Variants in CCNE2 observed in about 807,000 individuals in gnomAD.
CCNE2 encodes G1/S-specific cyclin-E2.
In CCNE2, 18 loss-of-function variants were observed where a neutral mutation model predicts 56.8. That is an observed-to-expected ratio of 0.32 (90% CI 0.22 to 0.47). CCNE2 has a LOEUF of 0.47. Ranked by LOEUF, CCNE2 falls within the 20% of genes least tolerant of loss-of-function variation. The pLI is 1.00. For synonymous variants in CCNE2, 139 were observed against 149.2 expected (o/e 0.93, Z 0.50); for missense variants, 371 against 467.1 (o/e 0.79, Z 1.90).
At chr8:94,891,956 G>T in intron 5 of CCNE2, 2 of 1,100,648 alleles carry the variant, frequency 1.8e-6, no homozygotes, top group South Asian at 1.2e-5. Flanking sequence ...GCTCATGGTC[G>T]GATTAACTCA....
At chr8:94,895,972 G>A (rs1817512441), upstream of CCNE2, 1 of 152,594 alleles carries the variant, frequency 6.6e-6, no homozygotes, top group African/African-American at 2.4e-5. Flanking sequence ...CCCCTACCGG[G>A]TTTCCCTCCC....
chr8:94,891,426 A>G, intron 5 of CCNE2: 1 of 279,738 alleles, frequency 3.6e-6, no homozygotes, highest in South Asian at 4.0e-5. Flanking sequence ...TGGGAGGCCA[A>G]GGTGGGTGGA....
intron 9 of CCNE2, chr8:94,883,949 TTA>T: frequency 2.2e-6 from 1 of 455,846 alleles, no homozygotes; most frequent in South Asian, 1.5e-5. Context: ...AATATTACTG[TTA>T]TATACCTCTA....
chr8:94,894,186 T>A lies in CCNE2; in HGVS notation c.14+22A>T, dbSNP rs79948807. On this transcript the variant is annotated intron_variant, in intron 2 of 11. Coordinates refer to ENST00000308108, the MANE Select transcript of CCNE2 (RefSeq NM_057749.3). ...AAGGCAGCAACTAATTTGAAACATG[T>A]CTCTAAGACAGATAATGTTACCTTC... 2,029 of 1,613,850 alleles carry A rather than the reference T, an allele frequency of 1.3e-3. 18 individuals are homozygous for A. In the African/African-American group the frequency reaches 0.025, roughly 19 times the overall value.
chr8:94,884,834 T>G (rs1816973825), intron 9 of CCNE2: 1 of 369,070 alleles, frequency 2.7e-6, no homozygotes, highest in Admixed American at 4.1e-5. Flanking sequence ...AGAGATACTT[T>G]AGTTTGGACT....
chr8:94,896,417 C>G (rs1385160612), upstream of CCNE2: 1 of 152,142 alleles, frequency 6.6e-6, no homozygotes, highest in African/African-American at 2.4e-5. Flanking sequence ...GGGGTCCCTT[C>G]GCTGCCTCTA....
Position 94,889,812 on chromosome 8 carries a change from A to C in CCNE2, c.453+603T>G, listed in dbSNP as rs28399566. On this transcript the variant is annotated intron_variant, in intron 6 of 11. Coordinates refer to ENST00000308108, the MANE Select transcript of CCNE2 (RefSeq NM_057749.3). ...AAACTTTTTTAGAGCTATTATCCAG[A>C]GGAAAGGGAATGGACCTAAACAAGA... 3.2e-4 allele frequency among the ~76,000 whole-genome samples: 49 copies of C among 152,338 alleles called. 2 individuals carry two copies. In the East Asian group the frequency reaches 8.9e-3, roughly 28 times the overall value.
At chr8:94,889,977 A>G (rs1563683013) in intron 6 of CCNE2, among the ~76,000 whole-genome samples, 1 of 152,222 alleles carries the variant, frequency 6.6e-6, no homozygotes, top group Non-Finnish European at 1.5e-5. Flanking sequence ...CCAGATATCC[A>G]TAGTCTCATT....
In CCNE2 at chr8:94,881,099, G is replaced by C. The variant is rs1816792155; in HGVS notation, c.*533C>G. ...AGAAATTCAAGTTTTATAATAGCTT[G>C]CTATAGCAGCTATAGATAAATTAGT... On this transcript the variant is annotated 3_prime_UTR_variant, in exon 12 of 12. Transcript: ENST00000308108. The C allele has an allele frequency of 5.0e-6, 2 of 396,770 alleles. No individual in the cohort carries two copies. The allele number at this position is 396,770 out of a possible 1,614,324, so 24.6% of individuals were successfully genotyped here. A position where few individuals can be genotyped will look rare whatever the true frequency, so the allele number is the denominator to read the frequency against.
At chr8:94,891,978 T>G in intron 5 of CCNE2, 9 of 939,680 alleles carry the variant, frequency 9.6e-6, no homozygotes, top group East Asian at 2.5e-5. Context: ...ACGTGATCTC[T>G]CCCTGCCACA....
intron 5 of CCNE2, chr8:94,891,659 CAAAAAAAAAAA>C (rs34021439): frequency 2.3e-5 from 6 of 263,374 alleles, no homozygotes; most frequent in Non-Finnish European, 3.4e-5. Context: ...CCTCTGTCTC[CAAAAAAAAAAA>C]AAAAAAAAAA....
intron 7 of CCNE2, among the ~76,000 whole-genome samples, chr8:94,887,288 C>CT (rs2131108405): frequency 6.6e-6 from 1 of 152,184 alleles, no homozygotes; most frequent in South Asian, 2.1e-4. Flanking sequence ...GGTGGATCGC[C>CT]TGAGTCAGGA....
In CCNE2 at chr8:94,882,768, T is replaced by C; in HGVS notation, c.943+13A>G. On this transcript the variant is annotated intron_variant, in intron 10 of 11. Transcript: ENST00000308108. ...TGTGAAAAGGTAAGAAGACAACAAA[T>C]AGAGAGTCTTACCTGAGGCTTTCTT... The C allele has an allele frequency of 2.6e-6, 4 of 1,547,346 alleles. No individual in the cohort carries two copies. Among genetic ancestry groups the C allele is most frequent in the Non-Finnish European group, 3.6e-6 (4 of 1,119,490 alleles).
In CCNE2 at chr8:94,890,457, C is replaced by T; in HGVS notation, c.411G>A (p.Leu137=). The T allele has an allele frequency of 6.2e-7, 1 of 1,609,214 alleles. No homozygotes were observed. Among genetic ancestry groups the T allele is most frequent in the Non-Finnish European group, 8.5e-7 (1 of 1,177,554 alleles). ...DKHFEVLHSD[L]EPQMRSILLD... is the part of the protein sequence containing the mutation. ...GAAGTATGGACCTCATCTGTGGTTC[C>T]AAGTCAGAATGCAGAACTTCAAAAT... Residue 137 remains leucine, a synonymous_variant, in exon 6 of 12, where the codon TTG becomes TTA. Coordinates refer to ENST00000308108, the MANE Select transcript of CCNE2 (RefSeq NM_057749.3).
At chr8:94,895,995 G>C (rs1479544699), upstream of CCNE2, 1 of 152,388 alleles carries the variant, frequency 6.6e-6, no homozygotes, top group African/African-American at 2.4e-5. Flanking sequence ...TGGGTCGGTC[G>C]CTCCCCCAAC....
intron 6 of CCNE2, among the ~76,000 whole-genome samples, chr8:94,889,473 A>T (rs974129902): frequency 1.3e-5 from 2 of 152,240 alleles, no homozygotes; most frequent in Non-Finnish European, 2.9e-5. Flanking sequence ...TTCCATGATC[A>T]CTAGACAGTC....
intron 7 of CCNE2, 118 bp downstream of exon 7, chr8:94,887,808 CA>C: frequency 1.7e-6 from 1 of 603,664 alleles, no homozygotes; most frequent in Non-Finnish European, 2.7e-6. Flanking sequence ...TACTGAGAAA[CA>C]AAAACATTCA....
intron 1 of CCNE2, 23 bp downstream of exon 1, chr8:94,895,154 C>A (rs1023906023): frequency 2.0e-6 from 2 of 985,264 alleles, no homozygotes; most frequent in East Asian, 1.1e-4. Context: ...CCCACATCCC[C>A]CCTACGCGCA....
chr8:94,881,903 ATT>A, intron 11 of CCNE2, 158 bp from the exon 12 acceptor site: 1 of 952,954 alleles, frequency 1.0e-6, no homozygotes, highest in Non-Finnish European at 1.5e-6. Flanking sequence ...AACGTTATAT[ATT>A]TTTTAAACTC....
Sources: gnomAD v4.1 joint callset for allele counts (sites outside exome capture counted in the v4.1 genomes callset) on GRCh38, gnomAD v4.1.1 for gene constraint, MANE v1.5 for transcripts, NCBI Gene and HGNC (gene_info 2026-07-23, HGNC 2026-07-21) for gene names.